The following EPC1 variants were observed in gnomAD, a reference collection of about 807,000 sequenced individuals.
The protein encoded by EPC1 is enhancer of polycomb homolog 1.
Under a neutral mutation model 98.4 loss-of-function variants are expected in EPC1, and 12 were observed. The ratio of observed to expected loss-of-function variants is 0.12; its 90% CI spans 0.08 to 0.20. The LOEUF is 0.20. Ranked by LOEUF, EPC1 falls within the 10% of genes least tolerant of loss-of-function variation. The pLI, the probability that EPC1 is intolerant of heterozygous loss-of-function variation, is 1.00. For missense variants in EPC1, 729 were observed against 990.5 expected, an observed-to-expected ratio of 0.74 and a Z score of 3.54; for synonymous variants, 357 against 363.9, an observed-to-expected ratio of 0.98 and a Z score of 0.21.
chr10:32,341,619 G>A (rs1838360288), intron 1 of EPC1, among the ~76,000 whole-genome samples: 1 of 152,144 alleles, frequency 6.6e-6, no homozygotes, highest in South Asian at 2.1e-4. Context: ...AATACCATTA[G>A]ATACATAAAC....
At chr10:32,297,905 C>G (rs572749997) in intron 2 of EPC1, among the ~76,000 whole-genome samples, 1 of 152,202 alleles carries the variant, frequency 6.6e-6, no homozygotes, top group Admixed American at 6.5e-5. Context: ...TAACACCATT[C>G]TCCTGCCTCG....
At chr10:32,274,391 C>G (rs1592531788) in intron 10 of EPC1, among the ~76,000 whole-genome samples, 1 of 152,118 alleles carries the variant, frequency 6.6e-6, no homozygotes, top group East Asian at 1.9e-4. Context: ...ATACTTTTCA[C>G]TTATATAACT....
At chr10:32,311,686 G>C (rs183827635) in intron 1 of EPC1, among the ~76,000 whole-genome samples, 1 of 152,282 alleles carries the variant, frequency 6.6e-6, no homozygotes, top group East Asian at 1.9e-4. Context: ...ATTGAACCCT[G>C]TGTATGCTAT....
At chr10:32,318,827 T>A (rs1836709974) in intron 1 of EPC1, among the ~76,000 whole-genome samples, 2 of 152,212 alleles carry the variant, frequency 1.3e-5, no homozygotes, top group African/African-American at 4.8e-5. Context: ...TAACCTCTAG[T>A]ATTACATTAC....
At position 32,347,036 on chromosome 10, in the gene EPC1, A is replaced by G. The variant is rs1342339287; in HGVS notation, c.-121T>C. The G allele has an allele frequency of 6.7e-6, 10 of 1,482,890 alleles. No homozygotes were observed. The highest frequency in any genetic ancestry group is 8.0e-6 in the Non-Finnish European group (9 of 1,123,292). 91.9% of individuals were successfully genotyped at this position (1,482,890 alleles called of 1,614,324 possible). ...GCCGGGGACTTGAGGGGCGGAGCGC[A>G]GAGCCCGCCGTCCGGGCACTAACAC... On this transcript the variant is annotated 5_prime_UTR_variant, in exon 1 of 14. Transcript: ENST00000319778.
intron 2 of EPC1, among the ~76,000 whole-genome samples, chr10:32,294,048 T>C (rs1393796712): frequency 6.6e-5 from 10 of 152,232 alleles, no homozygotes. Flanking sequence ...TTAAAACTTA[T>C]TTGGTTGAAC....
intron 1 of EPC1, among the ~76,000 whole-genome samples, chr10:32,352,973 C>T (rs1003393830): frequency 1.1e-4 from 17 of 151,950 alleles, no homozygotes; most frequent in Admixed American, 7.2e-4. Context: ...CTGACCAACA[C>T]GGAGAAACCC....
At chr10:32,308,105 G>A (rs968138787) in intron 1 of EPC1, among the ~76,000 whole-genome samples, 3 of 152,114 alleles carry the variant, frequency 2.0e-5, no homozygotes, top group African/African-American at 4.8e-5. Flanking sequence ...TGCCAATGTC[G>A]GCTGGACGTG....
intron 1 of EPC1, among the ~76,000 whole-genome samples, chr10:32,343,973 C>T (rs1346058305): frequency 6.6e-6 from 1 of 152,156 alleles, no homozygotes; most frequent in African/African-American, 2.4e-5. Context: ...CCTTTCAGGA[C>T]CAACATAGGA....
chr10:32,347,070 A>C lies in EPC1; in HGVS notation c.-155T>G. 2.1e-6 allele frequency: 3 copies of C among 1,455,152 alleles called. No individual in the cohort carries two copies. Among genetic ancestry groups the C allele is most frequent in the Non-Finnish European group, 2.7e-6 (3 of 1,109,942 alleles). The allele number at this position is 1,455,152 out of a possible 1,614,324, so 90.1% of individuals were successfully genotyped here. A position where few individuals can be genotyped will look rare whatever the true frequency, so the allele number is the denominator to read the frequency against. ...CGTCCGGGCACTAACACCAGCCGGG[A>C]GGGTGGGAGGCTGTGCCGCTCCGCT... On this transcript the variant is annotated 5_prime_UTR_variant, in exon 1 of 14. Coordinates refer to ENST00000319778, the MANE Select transcript of EPC1 (RefSeq NM_001272004.3).
intron 1 of EPC1, among the ~76,000 whole-genome samples, chr10:32,315,919 A>G (rs985272170): frequency 1.3e-5 from 2 of 152,132 alleles, no homozygotes; most frequent in Admixed American, 6.6e-5. Flanking sequence ...ATCTCACTCA[A>G]AATAAATCCC....
At chr10:32,370,371 G>A (rs1839712605) in intron 1 of EPC1, among the ~76,000 whole-genome samples, 1 of 152,156 alleles carries the variant, frequency 6.6e-6, no homozygotes, top group Non-Finnish European at 1.5e-5. Context: ...CAAATTTTTG[G>A]TTTAGTGGGT....
intron 2 of EPC1, among the ~76,000 whole-genome samples, chr10:32,295,359 GTGTC>G (rs1835090698): frequency 6.6e-6 from 1 of 152,154 alleles, no homozygotes; most frequent in South Asian, 2.1e-4. Context: ...GCTTAACACA[GTGTC>G]TGGCCTGGGG....
chr10:32,299,391 G>C (rs1000801727), intron 2 of EPC1, among the ~76,000 whole-genome samples: 1 of 152,036 alleles, frequency 6.6e-6, no homozygotes, highest in Non-Finnish European at 1.5e-5. Flanking sequence ...TTACCATGTT[G>C]GCCGGGCTGG....
intron 1 of EPC1, among the ~76,000 whole-genome samples, chr10:32,323,525 C>A (rs1411819466): frequency 6.6e-6 from 1 of 152,124 alleles, no homozygotes; most frequent in Non-Finnish European, 1.5e-5. Flanking sequence ...TTAGATGAGT[C>A]TTATCAAATA....
At chr10:32,270,724 C>T (rs564982390) in intron 13 of EPC1, among the ~76,000 whole-genome samples, 1 of 142,636 alleles carries the variant, frequency 7.0e-6, no homozygotes, top group Non-Finnish European at 1.5e-5. Flanking sequence ...ACTCAGAAGG[C>T]TGAGACAGAA....
chr10:32,296,613 A>G (rs890841126), intron 2 of EPC1, among the ~76,000 whole-genome samples: 2 of 152,214 alleles, frequency 1.3e-5, no homozygotes, highest in African/African-American at 4.8e-5. Context: ...AAACTCATAT[A>G]AAATCTTAAA....
At chr10:32,353,320 G>A (rs1281260936) in intron 1 of EPC1, among the ~76,000 whole-genome samples, 9 of 152,034 alleles carry the variant, frequency 5.9e-5, no homozygotes, top group Non-Finnish European at 8.8e-5. Flanking sequence ...TGAAGTCAAG[G>A]GTTTCATTGT....
chr10:32,293,823 G>A (rs1354484858), intron 2 of EPC1, 86 bp from the exon 3 acceptor site: 2 of 1,233,988 alleles, frequency 1.6e-6, no homozygotes, highest in African/African-American at 3.0e-5. Flanking sequence ...ACAAGACCTA[G>A]ACTTTCTAAA....
Sources: allele counts gnomAD v4.1 joint callset (sites outside exome capture counted in the v4.1 genomes callset), GRCh38; gene constraint gnomAD v4.1.1; transcripts MANE v1.5; gene names NCBI Gene and HGNC (gene_info 2026-07-23, HGNC 2026-07-21).